COL23A1: variants seen among roughly 807,000 people sequenced by gnomAD.
COL23A1 encodes the protein collagen alpha-1(XXIII) chain.
A neutral mutation model predicts 99.3 loss-of-function variants in COL23A1; 97 were observed. The observed-to-expected ratio is 0.98, with a 90% CI of 0.83 to 1.16. The LOEUF (loss-of-function observed/expected upper bound fraction) is 1.16. Ranked by LOEUF, COL23A1 falls within the 50% of genes most tolerant of loss-of-function variation. The probability of loss-of-function intolerance (pLI) is 0.00; values close to 1 mark genes in which losing one functional copy is unlikely to be tolerated. For missense variants in COL23A1, 762 were observed against 757.4 expected (o/e 1.01, Z -0.07); for synonymous variants, 320 against 308.2 (o/e 1.04, Z -0.40).
At chr5:178,495,572 A>G (rs776032726) in intron 2 of COL23A1, among the ~76,000 whole-genome samples, 15 of 152,290 alleles carry the variant, frequency 9.8e-5, no homozygotes, top group Non-Finnish European at 1.6e-4. Flanking sequence ...TAGGGCACCA[A>G]TGCATGGAAA....
intron 2 of COL23A1, among the ~76,000 whole-genome samples, chr5:178,380,718 G>T (rs1182701904): frequency 6.6e-6 from 1 of 152,212 alleles, no homozygotes; most frequent in Non-Finnish European, 1.5e-5. Context: ...CAGAGGCAGG[G>T]AGGATCACGT....
At chr5:178,572,046 T>C (rs374878242) in intron 1 of COL23A1, among the ~76,000 whole-genome samples, 24 of 130,950 alleles carry the variant, frequency 1.8e-4, no homozygotes, top group East Asian at 4.5e-4. Flanking sequence ...CCAGCCTGGG[T>C]GACAGAGCGA....
intron 1 of COL23A1, among the ~76,000 whole-genome samples, chr5:178,566,091 C>T (rs746749554): frequency 2.0e-5 from 3 of 151,992 alleles, no homozygotes; most frequent in Non-Finnish European, 2.9e-5. Context: ...CATGTCATTG[C>T]ACTCCAGCCT....
At chr5:178,507,411 T>C (rs544368285) in intron 2 of COL23A1, among the ~76,000 whole-genome samples, 5 of 152,342 alleles carry the variant, frequency 3.3e-5, no homozygotes, top group African/African-American at 9.6e-5. Flanking sequence ...GACTCCATTT[T>C]GAATCCTCCC....
chr5:178,404,108 G>C (rs1406207829), intron 2 of COL23A1, among the ~76,000 whole-genome samples: 1 of 152,202 alleles, frequency 6.6e-6, no homozygotes, highest in Non-Finnish European at 1.5e-5. Flanking sequence ...TTCATGTAGT[G>C]AACAGTCAGA....
At chr5:178,301,415 C>CTA (rs1163117362) in intron 3 of COL23A1, among the ~76,000 whole-genome samples, 1 of 152,212 alleles carries the variant, frequency 6.6e-6, no homozygotes, top group East Asian at 1.9e-4. Context: ...ACATCTCTAG[C>CTA]AAGTACATCT....
intron 2 of COL23A1, among the ~76,000 whole-genome samples, chr5:178,381,966 G>A (rs149107169): frequency 2.0e-5 from 3 of 152,322 alleles, no homozygotes; most frequent in African/African-American, 7.2e-5. Flanking sequence ...AAATTGGCCT[G>A]TGCCCCCTCC....
intron 27 of COL23A1, among the ~76,000 whole-genome samples, chr5:178,241,635 G>A (rs1764406569): frequency 6.6e-6 from 1 of 152,166 alleles, no homozygotes; most frequent in African/African-American, 2.4e-5. Context: ...CCCTCCGCAG[G>A]GCCCAGCCCC....
intron 27 of COL23A1, among the ~76,000 whole-genome samples, chr5:178,240,078 G>C (rs911920403): frequency 6.6e-6 from 1 of 152,300 alleles, no homozygotes; most frequent in Non-Finnish European, 1.5e-5. Context: ...TGGGGGTTGG[G>C]GCTGGGCCTG....
intron 5 of COL23A1, among the ~76,000 whole-genome samples, chr5:178,284,011 C>T (rs1757030943): frequency 6.6e-6 from 1 of 152,206 alleles, no homozygotes; most frequent in African/African-American, 2.4e-5. Context: ...TGAACACAGC[C>T]AAGCCTCCTA....
At chr5:178,279,854 C>T (rs1756794236) in intron 5 of COL23A1, among the ~76,000 whole-genome samples, 1 of 152,224 alleles carries the variant, frequency 6.6e-6, no homozygotes, top group Non-Finnish European at 1.5e-5. Flanking sequence ...TGACCCCCAC[C>T]AGGCCAGGTC....
intron 2 of COL23A1, among the ~76,000 whole-genome samples, chr5:178,502,876 G>A (rs896423807): frequency 2.0e-5 from 3 of 152,238 alleles, no homozygotes; most frequent in South Asian, 4.1e-4. Flanking sequence ...ACGCCCACAC[G>A]CCCCTGAACC....
intron 2 of COL23A1, among the ~76,000 whole-genome samples, chr5:178,451,797 C>T (rs1767505684): frequency 6.6e-6 from 1 of 151,808 alleles, no homozygotes; most frequent in Non-Finnish European, 1.5e-5. Context: ...TACAAGATAC[C>T]TAGAAATAAA....
At position 178,452,985 on chromosome 5, in the gene COL23A1, CAA is replaced by C. The variant is rs1767570443; in HGVS notation, c.361+107695_361+107696del. Among the ~76,000 whole-genome samples, 9 of 152,196 alleles carry C rather than the reference CAA, an allele frequency of 5.9e-5. No homozygotes were observed. The South Asian group carries it at 1.9e-3, about 32-fold the overall frequency. On this transcript the variant is annotated intron_variant, in intron 2 of 28. Coordinates refer to ENST00000390654, the MANE Select transcript of COL23A1 (RefSeq NM_173465.4). ...AATTCCATGATATTGTCTGTGATGGCAAAAGAGTGGACACAACTGGAATGCCC... is the reference window on the plus strand; with the variant it reads ...AATTCCATGATATTGTCTGTGATGGCAAGAGTGGACACAACTGGAATGCCC...
intron 2 of COL23A1, among the ~76,000 whole-genome samples, chr5:178,407,456 C>G (rs1041405696): frequency 1.3e-5 from 2 of 152,190 alleles, no homozygotes; most frequent in East Asian, 1.9e-4. Context: ...TACCAAGAAC[C>G]AGGCAAACCT....
rs544217155 is a variant in COL23A1, at chr5:178,255,288, G to C, written c.883-262C>G. On this transcript the variant is annotated intron_variant, in intron 15 of 28. Transcript: ENST00000390654. The surrounding 1 kb of genome is among the most constrained non-coding windows in gnomAD (Gnocchi z 4.2). ...ATTCAGGCCTGACCCCTGAGTTCTC[G>C]GGGGCAAATGGAAAGCCTGATTTTG... 3.9e-5 allele frequency among the ~76,000 whole-genome samples: 6 copies of C among 152,128 alleles called. No homozygotes were observed. Among genetic ancestry groups the C allele is most frequent in the African/African-American group, 1.4e-4 (6 of 41,516 alleles).
chr5:178,415,987 A>G lies in COL23A1; in HGVS notation c.362-109068T>C, dbSNP rs1581345797. The stretch of plus-strand genomic sequence containing the variant: ...TGAAGGATGGGACCAGGGAGGGCGG[A>G]CGAAGCTGGGGCAGAGCCAGAGATC... On this transcript the variant is annotated intron_variant, in intron 2 of 28. Transcript: ENST00000390654. This position sits in a 1 kb window ranked among gnomAD's most constrained non-coding sequence, Gnocchi z 4.6. Among the ~76,000 whole-genome samples the G allele has an allele frequency of 6.6e-6, 1 of 152,260 alleles. No homozygotes were observed. The highest frequency in any genetic ancestry group is 3.4e-3 in the Middle Eastern group (1 of 294).
intron 2 of COL23A1, among the ~76,000 whole-genome samples, chr5:178,443,781 T>G (rs1366830577): frequency 6.6e-6 from 1 of 152,198 alleles, no homozygotes; most frequent in Non-Finnish European, 1.5e-5. Flanking sequence ...TCTAAGCATT[T>G]TTTTTTTATT....
At chr5:178,370,882 C>A (rs1185879654) in intron 2 of COL23A1, among the ~76,000 whole-genome samples, 1 of 152,150 alleles carries the variant, frequency 6.6e-6, no homozygotes, top group African/African-American at 2.4e-5. Context: ...GTCAAGGTTG[C>A]AGTGAGCCGT....
Sources: allele counts gnomAD v4.1 joint callset (sites outside exome capture counted in the v4.1 genomes callset), GRCh38; gene constraint gnomAD v4.1.1; non-coding constraint Gnocchi (gnomAD v3.1); transcripts MANE v1.5; gene names NCBI Gene and HGNC (gene_info 2026-07-23, HGNC 2026-07-21).